Variants in BAZ2B observed in about 807,000 individuals in gnomAD.
BAZ2B encodes bromodomain adjacent to zinc finger domain protein 2B.
In BAZ2B, 91 loss-of-function variants were observed where a neutral mutation model predicts 246.0. The observed-to-expected ratio is 0.37, with a 90% CI of 0.31 to 0.44. BAZ2B has a LOEUF of 0.44. BAZ2B is among the 20% of genes least tolerant of loss of function. The probability of loss-of-function intolerance (pLI) is 1.00; values close to 1 mark genes in which losing one functional copy is unlikely to be tolerated. For synonymous variants in BAZ2B, 855 were observed against 860.0 expected (o/e 0.99, Z 0.10); for missense variants, 2,332 against 2,533.7 (o/e 0.92, Z 1.71).
intron 2 of BAZ2B, among the ~76,000 whole-genome samples, chr2:159,547,271 T>C (rs769111478): frequency 1.3e-5 from 2 of 152,188 alleles, no homozygotes; most frequent in Non-Finnish European, 2.9e-5. Flanking sequence ...TAAAAATGCA[T>C]TTAAAAATGC....
the BAZ2B span, among the ~76,000 whole-genome samples, chr2:159,662,753 A>T: frequency 6.6e-6 from 1 of 151,464 alleles, no homozygotes; most frequent in South Asian, 2.1e-4. Context: ...GCTGGCTTTG[A>T]ACTCCTGACC....
rs151225123 is a variant in BAZ2B at position 159,528,307 on chromosome 2, C to T, written c.-3+27516G>A. Among the ~76,000 whole-genome samples, 724 of 151,958 alleles carry T rather than the reference C, an allele frequency of 4.8e-3. 5 individuals carry two copies. The highest frequency in any genetic ancestry group is 0.017 in the African/African-American group (689 of 41,426). On this transcript the variant is annotated intron_variant, in intron 2 of 36. Transcript: ENST00000392783. ...CAAATCTACATTAAGATTTAAGCAT[C>T]ATGAACAGAGAAGGAAAGATGGATT...
intron 2 of BAZ2B, among the ~76,000 whole-genome samples, chr2:159,551,524 A>C (rs931371009): frequency 6.6e-6 from 1 of 151,902 alleles, no homozygotes; most frequent in African/African-American, 2.4e-5. Context: ...ATATACAGTA[A>C]AATATTAAAT....
At chr2:159,324,608 A>G (rs1057295111) in intron 36 of BAZ2B, among the ~76,000 whole-genome samples, 1 of 141,930 alleles carries the variant, frequency 7.0e-6, no homozygotes, top group Non-Finnish European at 1.5e-5. Flanking sequence ...CTTCTATACT[A>G]TTCTACTCTA....
At chr2:159,675,263 T>C in the BAZ2B span, among the ~76,000 whole-genome samples, 1 of 152,100 alleles carries the variant, frequency 6.6e-6, no homozygotes, top group African/African-American at 2.4e-5. Flanking sequence ...TTTTTTAAAG[T>C]TATCAACACA....
At chr2:159,499,487 C>T (rs561387286) in intron 2 of BAZ2B, among the ~76,000 whole-genome samples, 9 of 152,220 alleles carry the variant, frequency 5.9e-5, no homozygotes, top group East Asian at 1.9e-4. Context: ...TGAACATACA[C>T]GTGTATGTAT....
At chr2:159,702,822 T>C in the BAZ2B span, among the ~76,000 whole-genome samples, 1,953 of 152,098 alleles carry the variant, frequency 0.013, 53 homozygotes, top group African/African-American at 0.044. Flanking sequence ...GGGCGGATCA[T>C]GAGGTCAGGA....
intron 27 of BAZ2B, among the ~76,000 whole-genome samples, chr2:159,357,015 A>G (rs11898090): frequency 0.013 from 1,991 of 152,260 alleles, 49 homozygotes; most frequent in East Asian, 0.07. Flanking sequence ...ATGAAGATGA[A>G]GAAAAACGAA....
At chr2:159,646,707 C>T in the BAZ2B span, among the ~76,000 whole-genome samples, 1 of 152,098 alleles carries the variant, frequency 6.6e-6, no homozygotes, top group African/African-American at 2.4e-5. Flanking sequence ...TCCCTGACTT[C>T]CTGCAACACT....
At chr2:159,484,442 A>G (rs1034182694) in intron 2 of BAZ2B, among the ~76,000 whole-genome samples, 19 of 152,226 alleles carry the variant, frequency 1.2e-4, no homozygotes, top group Non-Finnish European at 2.5e-4. Context: ...TAATTAACAC[A>G]CATCACAATG....
intron 2 of BAZ2B, among the ~76,000 whole-genome samples, chr2:159,507,533 A>G (rs1470089658): frequency 6.6e-6 from 1 of 152,210 alleles, no homozygotes; most frequent in Non-Finnish European, 1.5e-5. Flanking sequence ...GTTCTAAGGT[A>G]TTAAGGGTTT....
intron 1 of BAZ2B, among the ~76,000 whole-genome samples, chr2:159,600,050 T>C (rs1442835296): frequency 2.6e-5 from 4 of 152,008 alleles, no homozygotes; most frequent in Admixed American, 1.3e-4. Context: ...CTTTCTAGCC[T>C]GAGGAGAGGA....
chr2:159,540,716 T>C (rs933831457), intron 2 of BAZ2B, among the ~76,000 whole-genome samples: 1 of 152,202 alleles, frequency 6.6e-6, no homozygotes, highest in Non-Finnish European at 1.5e-5. Context: ...AGCAGTTACT[T>C]AATTTCACTA....
chr2:159,660,147 T>G, the BAZ2B span, among the ~76,000 whole-genome samples: 1 of 152,220 alleles, frequency 6.6e-6, no homozygotes, highest in Non-Finnish European at 1.5e-5. Flanking sequence ...GTAAGCTCTA[T>G]TCTACTTTGT....
the BAZ2B span, among the ~76,000 whole-genome samples, chr2:159,656,374 T>C: frequency 6.6e-6 from 1 of 152,146 alleles, no homozygotes; most frequent in Non-Finnish European, 1.5e-5. Context: ...GGGGTATGTT[T>C]TCTGTTGCTT....
chr2:159,603,406 C>T (rs531391580), intron 1 of BAZ2B, among the ~76,000 whole-genome samples: 88 of 152,306 alleles, frequency 5.8e-4, no homozygotes, highest in African/African-American at 2.0e-3. Flanking sequence ...AACTAGGACT[C>T]TCTGAAATTT....
At chr2:159,488,633 T>G (rs1281952118) in intron 2 of BAZ2B, among the ~76,000 whole-genome samples, 1 of 152,214 alleles carries the variant, frequency 6.6e-6, no homozygotes, top group Non-Finnish European at 1.5e-5. Flanking sequence ...GTTTTTTATA[T>G]GTTTCAGTCT....
intron 21 of BAZ2B, 33 bp from the exon 22 acceptor site, chr2:159,386,640 A>T: frequency 6.5e-7 from 1 of 1,534,588 alleles, no homozygotes; most frequent in Non-Finnish European, 8.7e-7. Flanking sequence ...ATAAAATAAA[A>T]ACAGCTTAAT....
chr2:159,424,002 C>T (rs1361446838), intron 13 of BAZ2B, among the ~76,000 whole-genome samples: 3 of 152,034 alleles, frequency 2.0e-5, no homozygotes, highest in African/African-American at 7.2e-5. Context: ...ACCCCTGAGC[C>T]TACAATAAAA....
Sources: gnomAD v4.1 joint callset for allele counts (sites outside exome capture counted in the v4.1 genomes callset) on GRCh38, gnomAD v4.1.1 for gene constraint, MANE v1.5 for transcripts, NCBI Gene and HGNC (gene_info 2026-07-23, HGNC 2026-07-21) for gene names.